The following RELCH variants were observed in gnomAD, a reference collection of about 807,000 sequenced individuals.
RELCH encodes the protein RAB11-binding protein RELCH.
RELCH carries 41 observed loss-of-function variants against 150.3 expected under a neutral mutation model. The ratio of observed to expected loss-of-function variants is 0.27; its 90% CI spans 0.21 to 0.35. RELCH has a LOEUF of 0.35. Among genes scored for constraint, RELCH ranks in the 10% least tolerant of loss-of-function variants. The pLI, the probability that RELCH is intolerant of heterozygous loss-of-function variation, is 1.00. For synonymous variants in RELCH, 478 were observed against 531.8 expected, an observed-to-expected ratio of 0.90 and a Z score of 1.39; for missense variants, 1,092 against 1,467.8, an observed-to-expected ratio of 0.74 and a Z score of 4.18.
At chr18:62,304,476 G>A (rs1184324698) in intron 28 of RELCH, among the ~76,000 whole-genome samples, 1 of 152,214 alleles carries the variant, frequency 6.6e-6, no homozygotes, top group Non-Finnish European at 1.5e-5. Flanking sequence ...CAACAGACAT[G>A]TTGAGCACCT....
At chr18:62,195,599 C>A (rs559584774) in intron 1 of RELCH, among the ~76,000 whole-genome samples, 31 of 152,036 alleles carry the variant, frequency 2.0e-4, no homozygotes, top group Admixed American at 9.2e-4. Flanking sequence ...TTTTACCATG[C>A]CTTCAGATTT....
intron 22 of RELCH, chr18:62,278,071 A>T (rs553026068): frequency 6.5e-6 from 1 of 153,626 alleles, no homozygotes; most frequent in Admixed American, 6.5e-5. Context: ...CAAATGATAT[A>T]TTGTGTTAAA....
At chr18:62,252,907 G>T (rs115709089) in intron 12 of RELCH, among the ~76,000 whole-genome samples, 153 bp downstream of exon 12, 1 of 152,064 alleles carries the variant, frequency 6.6e-6, no homozygotes, top group African/African-American at 2.4e-5. Context: ...TAGTACTTAC[G>T]AATGCTCTGG....
chr18:62,290,789 A>G (rs1479783204), intron 26 of RELCH, among the ~76,000 whole-genome samples: 1 of 152,256 alleles, frequency 6.6e-6, no homozygotes, highest in African/African-American at 2.4e-5. Flanking sequence ...AAGCTCTGTT[A>G]TCCAACTCAA....
chr18:62,247,511 A>G (rs2042476358), intron 11 of RELCH: 1 of 151,944 alleles, frequency 6.6e-6, no homozygotes, highest in African/African-American at 2.4e-5. Flanking sequence ...ATTTGAGACT[A>G]TTGAAAATTG....
At chr18:62,192,505 G>C (rs373086162) in intron 1 of RELCH, among the ~76,000 whole-genome samples, 1 of 152,122 alleles carries the variant, frequency 6.6e-6, no homozygotes, top group African/African-American at 2.4e-5. Context: ...TTCTTCAAGG[G>C]TTTTCATAGT....
intron 5 of RELCH, among the ~76,000 whole-genome samples, chr18:62,224,956 T>C (rs1041298744): frequency 2.0e-5 from 3 of 152,078 alleles, no homozygotes; most frequent in Non-Finnish European, 4.4e-5. Flanking sequence ...ACTACCTGGC[T>C]TCAAGTCTTA....
chr18:62,195,280 CTGTGTGTG>C (rs148387504), intron 1 of RELCH, among the ~76,000 whole-genome samples: 2 of 136,228 alleles, frequency 1.5e-5, no homozygotes, highest in Admixed American at 7.4e-5. Flanking sequence ...TACACACACT[CTGTGTGTG>C]TGTGTGTGTG....
At chr18:62,201,123 G>A (rs1213924639) in intron 1 of RELCH, among the ~76,000 whole-genome samples, 2 of 151,614 alleles carry the variant, frequency 1.3e-5, no homozygotes, top group Non-Finnish European at 2.9e-5. Flanking sequence ...ACAGGCGCAT[G>A]CCACCATGCC....
In RELCH at chr18:62,309,577, TC is replaced by T. The variant is rs1270333035; in HGVS notation, c.*4044del. 6.6e-6 allele frequency: 1 copy of T among 152,212 alleles called. No homozygotes were observed. 9.4% of individuals were successfully genotyped at this position (152,212 alleles called of 1,614,324 possible). A position where few individuals can be genotyped will look rare whatever the true frequency, so the allele number is the denominator to read the frequency against. On this transcript the variant is annotated 3_prime_UTR_variant, in exon 29 of 29. Transcript: ENST00000644646. Reference sequence around the variant, plus strand: ...CAGTTAATATAAACTTAATATTGCATCAAAAACAAATATATTTTATTTTGAT... The same window carrying T: ...CAGTTAATATAAACTTAATATTGCATAAAAACAAATATATTTTATTTTGAT...
chr18:62,282,463 C>A lies in RELCH; in HGVS notation c.3253+19C>A, dbSNP rs763201442. On this transcript the variant is annotated intron_variant, in intron 25 of 28. Transcript: ENST00000644646. The stretch of plus-strand genomic sequence containing the variant: ...GATGAGTGTAAGTTGCATTTTTCTA[C>A]CTTTTTCCTGAATTGTAATGTAAGA... The A allele has an allele frequency of 3.7e-6, 6 of 1,608,294 alleles. No homozygotes were observed. Among genetic ancestry groups the A allele is most frequent in the African/African-American group, 1.3e-5 (1 of 74,436 alleles).
chr18:62,302,369 G>T (rs1002204921), intron 28 of RELCH, among the ~76,000 whole-genome samples: 1 of 152,148 alleles, frequency 6.6e-6, no homozygotes, highest in Non-Finnish European at 1.5e-5. Flanking sequence ...GTAGATAAAT[G>T]ATATCACTTG....
chr18:62,265,778 G>A (rs1019262274), intron 18 of RELCH, among the ~76,000 whole-genome samples: 3 of 151,968 alleles, frequency 2.0e-5, no homozygotes, highest in Non-Finnish European at 4.4e-5. Context: ...ATTTGCTTCA[G>A]TGTCTTTTAA....
chr18:62,204,056 T>C (rs944504802), intron 1 of RELCH, among the ~76,000 whole-genome samples: 1 of 152,134 alleles, frequency 6.6e-6, no homozygotes, highest in African/African-American at 2.4e-5. Context: ...TACTTATATA[T>C]GGGGGAAAAT....
At position 62,258,070 on chromosome 18, in the gene RELCH, T is replaced by G; in HGVS notation, c.2019T>G (p.Asp673Glu). Residue 673 changes from aspartate (D) to glutamate (E), a missense_variant, in exon 14 of 29, where the codon GAT becomes GAG. Physicochemically the swap from Asp to Glu is conservative, Grantham distance 45. Transcript: ENST00000644646. ...GTATCATTATGGGATACATTGATGATCCAGACAAATATCATCAGGTATGTT... is the reference window on the plus strand; with the variant it reads ...GTATCATTATGGGATACATTGATGAGCCAGACAAATATCATCAGGTATGTT... ...SLGIIMGYID[D>E]PDKYHQGFEL... The G allele has an allele frequency of 6.2e-7, 1 of 1,602,854 alleles. No homozygotes were observed. Among genetic ancestry groups the G allele is most frequent in the Non-Finnish European group, 8.5e-7 (1 of 1,175,408 alleles).
intron 1 of RELCH, among the ~76,000 whole-genome samples, chr18:62,198,696 T>C (rs2039216623): frequency 6.6e-6 from 1 of 152,210 alleles, no homozygotes; most frequent in African/African-American, 2.4e-5. Flanking sequence ...TTAAGAGTTA[T>C]TCATTCATAG....
chr18:62,216,092 A>G (rs552675436), intron 2 of RELCH, among the ~76,000 whole-genome samples: 16 of 152,208 alleles, frequency 1.1e-4, no homozygotes, highest in African/African-American at 3.1e-4. Flanking sequence ...TGCATATACA[A>G]TGTACCTCTT....
intron 1 of RELCH, among the ~76,000 whole-genome samples, chr18:62,192,113 T>C (rs1438856637): frequency 2.6e-5 from 4 of 152,244 alleles, no homozygotes; most frequent in South Asian, 4.1e-4. Context: ...TGGTATTTCA[T>C]TGTGGTTTTG....
intron 1 of RELCH, among the ~76,000 whole-genome samples, chr18:62,195,696 C>CT (rs377377452): frequency 5.6e-4 from 83 of 147,852 alleles, no homozygotes; most frequent in African/African-American, 1.7e-3. Context: ...AATCATCTTC[C>CT]TTTTTTTTTT....
Sources: gnomAD v4.1 joint callset for allele counts (sites outside exome capture counted in the v4.1 genomes callset) on GRCh38, gnomAD v4.1.1 for gene constraint, MANE v1.5 for transcripts, NCBI Gene and HGNC (gene_info 2026-07-23, HGNC 2026-07-21) for gene names.